The following FHDC1 variants were observed in gnomAD, a reference collection of about 807,000 sequenced individuals.
FHDC1 encodes the protein FH2 domain containing 1.
In FHDC1, 25 loss-of-function variants were observed where a neutral mutation model predicts 52.6. The observed-to-expected ratio is 0.48, with a 90% CI of 0.35 to 0.66. FHDC1 has a LOEUF of 0.66. FHDC1 is among the 30% of genes least tolerant of loss of function. The pLI is 0.01. For synonymous variants in FHDC1, 616 were observed against 581.5 expected (o/e 1.06, Z -0.85); for missense variants, 1,459 against 1,452.8 (o/e 1.00, Z -0.07).
the FHDC1 span, among the ~76,000 whole-genome samples, chr4:152,929,880 T>G: frequency 1.3e-5 from 2 of 152,338 alleles, no homozygotes; most frequent in South Asian, 2.1e-4. This position sits in a 1 kb window ranked among gnomAD's most constrained non-coding sequence, Gnocchi z 4.1. Flanking sequence ...TGTGTGGACA[T>G]CTAGTATTTT....
the FHDC1 span, chr4:152,927,393 A>G: frequency 1.3e-6 from 1 of 768,798 alleles, no homozygotes; most frequent in African/African-American, 1.7e-5. Context: ...GTCTCAGTCA[A>G]TTTAGAAAGT....
At chr4:152,937,430 G>C (rs1053190416) in intron 1 of FHDC1, among the ~76,000 whole-genome samples, 2 of 152,206 alleles carry the variant, frequency 1.3e-5, no homozygotes, top group Admixed American at 1.3e-4. Flanking sequence ...TGGCGCCCTG[G>C]GGGGCGTGGC....
At chr4:152,958,854 T>C (rs62320608) in intron 4 of FHDC1, among the ~76,000 whole-genome samples, 1 of 152,214 alleles carries the variant, frequency 6.6e-6, no homozygotes, top group Non-Finnish European at 1.5e-5. Flanking sequence ...CAATTCACTT[T>C]GAGGCTCTAC....
chr4:152,940,266 T>C (rs1303988363), intron 1 of FHDC1, among the ~76,000 whole-genome samples: 1 of 152,198 alleles, frequency 6.6e-6, no homozygotes, highest in Non-Finnish European at 1.5e-5. Context: ...TTAGAAGCCG[T>C]TGGGGGGCTA....
rs1025559568 is a variant in FHDC1 at position 152,939,554 on chromosome 4, A to G, written c.-131+3145A>G. ...GAAGACCCTTAACGAACGTTCTAAGATTTTTTGTCTGCCAATTAACTAAAA... is the reference window on the plus strand; with the variant it reads ...GAAGACCCTTAACGAACGTTCTAAGGTTTTTTGTCTGCCAATTAACTAAAA... On this transcript the variant is annotated intron_variant, in intron 1 of 11. Transcript: ENST00000511601. 2.0e-5 allele frequency among the ~76,000 whole-genome samples: 3 copies of G among 152,082 alleles called. No individual in the cohort carries two copies. In the South Asian group the frequency reaches 6.2e-4, roughly 32 times the overall value.
At chr4:152,919,715 A>G in the FHDC1 span, among the ~76,000 whole-genome samples, 1 of 152,142 alleles carries the variant, frequency 6.6e-6, no homozygotes, top group African/African-American at 2.4e-5. Context: ...TGGCTAGAAC[A>G]TTTAGCAATT....
rs532889139 is a variant in FHDC1 at position 152,956,650 on chromosome 4, G to A, written c.663+2331G>A. On this transcript the variant is annotated intron_variant, in intron 4 of 11. Coordinates refer to ENST00000511601, the MANE Select transcript of FHDC1 (RefSeq NM_001371116.1). ...TCTGTCACCCCCAGTTAGCTAACCC[G>A]GGAGATGGGGTCCTGCTGAAATGAA... Among the ~76,000 whole-genome samples, 10 of 152,176 alleles carry A rather than the reference G, an allele frequency of 6.6e-5. 1 individual carries two copies. In the South Asian group the frequency reaches 2.1e-3, roughly 32 times the overall value.
In FHDC1 at chr4:152,943,200, C is replaced by T; in HGVS notation, c.143C>T (p.Ser48Leu). The T allele has an allele frequency of 6.2e-7, 1 of 1,612,166 alleles. No homozygotes were observed. The highest frequency in any genetic ancestry group is 1.3e-5 in the African/African-American group (1 of 74,762). ...PPPPPPSPPC[S>L]CSREECPSSP... is the part of the protein sequence containing the mutation. ...CCACCCCCTCCATCTCCACCATGTTCATGTTCAAGGGAAGAGTGTCCTTCC... is the reference window on the plus strand; with the variant it reads ...CCACCCCCTCCATCTCCACCATGTTTATGTTCAAGGGAAGAGTGTCCTTCC... The change falls in exon 2 of 12, where the codon TCA becomes TTA. Residue 48 changes from serine to leucine, a missense_variant. Around this residue, in one of 3 missense-constraint regions of FHDC1, gnomAD observed 513 missense variants for 581.5 expected, o/e 0.88. Transcript: ENST00000511601.
intron 11 of FHDC1, 116 bp from the exon 12 acceptor site, chr4:152,974,559 A>G: frequency 6.9e-7 from 1 of 1,444,410 alleles, no homozygotes; most frequent in Non-Finnish European, 9.1e-7. Flanking sequence ...GTAAGACATG[A>G]CCCTGAGCTC....
rs748323819 is a variant in FHDC1 at position 152,978,221 on chromosome 4, G to C, written c.*1498G>C. On this transcript the variant is annotated 3_prime_UTR_variant, in exon 12 of 12. Transcript: ENST00000511601. ...TGTGTCTGTTATAAAACTGAGTGAA[G>C]GCTGCTATGACCTGTGTTCACTCTG... 19 of 152,340 alleles carry C rather than the reference G, an allele frequency of 1.2e-4. No homozygotes were observed. Among genetic ancestry groups the C allele is most frequent in the Non-Finnish European group, 2.2e-4 (15 of 68,054 alleles). The allele number at this position is 152,340 out of a possible 1,614,324, so 9.4% of individuals were successfully genotyped here.
chr4:152,975,751 C>G lies in FHDC1; in HGVS notation c.2460C>G (p.Val820=). The change falls in exon 12 of 12, where the codon GTC becomes GTG. Residue 820 remains valine (V), a synonymous_variant. Coordinates refer to ENST00000511601, the MANE Select transcript of FHDC1 (RefSeq NM_001371116.1). ...SGVGEMGDSQ[V]SSNPTSSPPG... is the part of the protein sequence containing the mutation. ...TTGGAGAAATGGGGGACAGCCAAGTCTCCTCCAACCCTACATCCAGCCCCC... is the reference window on the plus strand; with the variant it reads ...TTGGAGAAATGGGGGACAGCCAAGTGTCCTCCAACCCTACATCCAGCCCCC... The G allele has an allele frequency of 6.3e-7, 1 of 1,580,404 alleles. No individual in the cohort carries two copies.
intron 2 of FHDC1, among the ~76,000 whole-genome samples, chr4:152,952,904 G>A (rs1283832605): frequency 6.6e-6 from 1 of 152,174 alleles, no homozygotes; most frequent in African/African-American, 2.4e-5. Context: ...GGCCGAGGCA[G>A]GTGGATCACT....
rs745471949 is a variant in FHDC1 at position 152,969,905 on chromosome 4, G to A, written c.1218+1808G>A. On this transcript the variant is annotated intron_variant, in intron 10 of 11. Coordinates refer to ENST00000511601, the MANE Select transcript of FHDC1 (RefSeq NM_001371116.1). ...AGGATGGTCTCAATCTCCTGACCTC[G>A]TGATCCGCCCACCTCCCAAAGTGCT... 3.9e-5 allele frequency among the ~76,000 whole-genome samples: 6 copies of A among 152,188 alleles called. No homozygotes were observed. The East Asian group carries it at 5.8e-4, about 15-fold the overall frequency.
upstream of FHDC1, among the ~76,000 whole-genome samples, chr4:152,931,963 A>C (rs1451251703): frequency 3.4e-5 from 5 of 145,558 alleles, no homozygotes; most frequent in East Asian, 8.2e-4. Context: ...AAAAAAAAAA[A>C]ACTTCAAAAA....
the FHDC1 span, among the ~76,000 whole-genome samples, chr4:152,928,818 A>T: frequency 6.6e-6 from 1 of 151,932 alleles, no homozygotes; most frequent in Admixed American, 6.6e-5. Flanking sequence ...AGCTTTCCGT[A>T]TCCTTGGCCA....
At chr4:152,955,104 T>A (rs58313147) in intron 4 of FHDC1, among the ~76,000 whole-genome samples, 9,044 of 151,150 alleles carry the variant, frequency 0.06, 444 homozygotes, top group East Asian at 0.13. Context: ...ATACTTTTTT[T>A]AAAAAAAAAG....
At chr4:152,952,262 A>T (rs995929163) in intron 2 of FHDC1, among the ~76,000 whole-genome samples, 17 of 152,196 alleles carry the variant, frequency 1.1e-4, no homozygotes, top group African/African-American at 3.1e-4. Context: ...TACGTCCATA[A>T]ATCAGGGTTG....
chr4:152,938,010 A>AC (rs1053079709), intron 1 of FHDC1, among the ~76,000 whole-genome samples: 11 of 151,484 alleles, frequency 7.3e-5, no homozygotes, highest in African/African-American at 1.7e-4. Flanking sequence ...GTGTCCCAGG[A>AC]CCCCCCAGGC....
At chr4:152,939,665 T>G (rs1219503302) in intron 1 of FHDC1, among the ~76,000 whole-genome samples, 4 of 151,912 alleles carry the variant, frequency 2.6e-5, no homozygotes, top group Non-Finnish European at 5.9e-5. Flanking sequence ...CTTGGGAGAG[T>G]CCATCACTCA....
Sources: allele counts gnomAD v4.1 joint callset (sites outside exome capture counted in the v4.1 genomes callset), GRCh38; gene constraint gnomAD v4.1.1; regional missense constraint gnomAD v4.1.1; non-coding constraint Gnocchi (gnomAD v3.1); transcripts MANE v1.5; gene names NCBI Gene and HGNC (gene_info 2026-07-23, HGNC 2026-07-21).